DLG2: variants seen among roughly 807,000 people sequenced by gnomAD.
DLG2 encodes discs large MAGUK scaffold protein 2.
DLG2 carries 45 observed loss-of-function variants against 132.5 expected under a neutral mutation model. That is an observed-to-expected ratio of 0.34 (90% confidence interval 0.27 to 0.44). The LOEUF is 0.44. DLG2 is among the 20% of genes least tolerant of loss of function. The pLI, the probability that DLG2 is intolerant of heterozygous loss-of-function variation, is 1.00. For synonymous variants in DLG2, 424 were observed against 419.6 expected (o/e 1.01, Z -0.13); for missense variants, 1,045 against 1,196.9 (o/e 0.87, Z 1.87).
At chr11:85,302,224 G>A (rs72950175) in intron 3 of DLG2, among the ~76,000 whole-genome samples, 6,812 of 152,230 alleles carry the variant, frequency 0.045, 193 homozygotes, top group East Asian at 0.095. Context: ...ATTTTGCCCT[G>A]AGTGACTTTT....
At chr11:84,550,983 A>G (rs2099400697) in intron 6 of DLG2, among the ~76,000 whole-genome samples, 1 of 152,160 alleles carries the variant, frequency 6.6e-6, no homozygotes, top group African/African-American at 2.4e-5. Context: ...GGGTCCAGGT[A>G]GGCAACCACT....
chr11:84,938,865 T>C (rs2049054631), intron 6 of DLG2, among the ~76,000 whole-genome samples: 1 of 152,154 alleles, frequency 6.6e-6, no homozygotes. Flanking sequence ...AAAATATAGA[T>C]AAATTATAAA....
intron 17 of DLG2, among the ~76,000 whole-genome samples, chr11:83,802,271 T>C (rs1054553419): frequency 2.0e-5 from 3 of 152,156 alleles, no homozygotes; most frequent in African/African-American, 4.8e-5. Context: ...CTCTAAATTG[T>C]TCAGGCAGTG....
At chr11:84,804,266 G>A (rs535531016) in intron 6 of DLG2, among the ~76,000 whole-genome samples, 45 of 152,308 alleles carry the variant, frequency 3.0e-4, no homozygotes, top group African/African-American at 9.1e-4. Flanking sequence ...AGAATTTGTA[G>A]CTTGGAATGA....
At chr11:85,438,768 G>A (rs910498499) in intron 3 of DLG2, among the ~76,000 whole-genome samples, 7 of 151,900 alleles carry the variant, frequency 4.6e-5, no homozygotes, top group Non-Finnish European at 7.4e-5. Context: ...TTCTACTATC[G>A]GAGTCAAGAT....
At chr11:84,320,291 A>C (rs1411276307) in intron 7 of DLG2, among the ~76,000 whole-genome samples, 3 of 152,200 alleles carry the variant, frequency 2.0e-5, no homozygotes, top group Non-Finnish European at 4.4e-5. Flanking sequence ...TTAATAAAAA[A>C]TAGCAAAAAT....
intron 18 of DLG2, among the ~76,000 whole-genome samples, chr11:83,780,648 T>C (rs946877040): frequency 1.3e-5 from 2 of 152,202 alleles, no homozygotes; most frequent in African/African-American, 4.8e-5. Context: ...AATAGGTTCA[T>C]TGTCTCACTA....
Position 84,373,265 on chromosome 11 carries a change from C to CAAAACAAAAAA in DLG2, c.520-121985_520-121975dup, listed in dbSNP as rs2098715554. On this transcript the variant is annotated intron_variant, in intron 7 of 27. Coordinates refer to ENST00000376104, the MANE Select transcript of DLG2 (RefSeq NM_001142699.3). ...AGAAACAGTCAAAAAAAAAAAAAAA[C>CAAAACAAAAAA]AAAACAAAAAAAAAACCCACCAGGC... 2.0e-4 allele frequency among the ~76,000 whole-genome samples: 20 copies of CAAAACAAAAAA among 98,052 alleles called. 1 individual carries two copies. In the South Asian group the frequency reaches 5.2e-3, roughly 26 times the overall value. The allele number at this position is 98,052 out of a possible 152,430, so 64.3% of individuals were successfully genotyped here. A position where few individuals can be genotyped will look rare whatever the true frequency, so the allele number is the denominator to read the frequency against.
intron 7 of DLG2, among the ~76,000 whole-genome samples, chr11:84,423,347 T>C (rs970865047): frequency 1.3e-5 from 2 of 152,174 alleles, no homozygotes; most frequent in African/African-American, 2.4e-5. Flanking sequence ...ACTAAGATAC[T>C]TAATAGTTCG....
intron 18 of DLG2, among the ~76,000 whole-genome samples, chr11:83,707,395 C>T (rs753870017): frequency 6.6e-5 from 10 of 152,214 alleles, no homozygotes; most frequent in South Asian, 2.1e-4. Context: ...GTTGGCCGGG[C>T]TCAGTGGCTT....
At chr11:84,320,147 A>C (rs1288285256) in intron 7 of DLG2, among the ~76,000 whole-genome samples, 1 of 152,216 alleles carries the variant, frequency 6.6e-6, no homozygotes, top group Non-Finnish European at 1.5e-5. Context: ...ACTGTGATTT[A>C]ACATGGGCAG....
At chr11:85,149,875 A>G (rs1364979909) in intron 5 of DLG2, among the ~76,000 whole-genome samples, 1 of 152,090 alleles carries the variant, frequency 6.6e-6, no homozygotes, top group Admixed American at 6.6e-5. Context: ...CCCTTTTAGC[A>G]GAGTGACAAT....
At chr11:84,640,142 GA>G in intron 6 of DLG2, 3 of 294,388 alleles carry the variant, frequency 1.0e-5, no homozygotes, top group Non-Finnish European at 1.9e-5. Context: ...TCCTTGGAAA[GA>G]AAAAGAGGCT....
chr11:83,973,753 T>C (rs1358983956), intron 12 of DLG2, among the ~76,000 whole-genome samples: 1 of 151,980 alleles, frequency 6.6e-6, no homozygotes, highest in African/African-American at 2.4e-5. Flanking sequence ...AAATCCAGAT[T>C]TGATTATTCA....
intron 15 of DLG2, among the ~76,000 whole-genome samples, chr11:83,915,053 G>C (rs757375096): frequency 6.6e-6 from 1 of 152,082 alleles, no homozygotes; most frequent in Non-Finnish European, 1.5e-5. Context: ...TGAGATGCAA[G>C]CACAACAGTG....
At chr11:84,365,255 C>T (rs1362792882) in intron 7 of DLG2, among the ~76,000 whole-genome samples, 1 of 152,000 alleles carries the variant, frequency 6.6e-6, no homozygotes, top group Non-Finnish European at 1.5e-5. Context: ...GTGTATGTGC[C>T]GAGGAATTTA....
intron 11 of DLG2, among the ~76,000 whole-genome samples, chr11:83,997,101 G>A (rs2449577): frequency 0.12 from 17,158 of 143,518 alleles, 1,341 homozygotes; most frequent in East Asian, 0.32. Flanking sequence ...TAACTACTAT[G>A]TACTCACAAA....
intron 6 of DLG2, among the ~76,000 whole-genome samples, chr11:84,793,209 T>C (rs11821125): frequency 0.016 from 2,483 of 152,298 alleles, 72 homozygotes; most frequent in African/African-American, 0.057. Context: ...TTTCCATGTG[T>C]TGTAATGTTT....
chr11:83,919,239 G>C (rs775248454), intron 15 of DLG2, among the ~76,000 whole-genome samples: 1 of 152,136 alleles, frequency 6.6e-6, no homozygotes, highest in Non-Finnish European at 1.5e-5. Context: ...CTCATGTCCA[G>C]TGTAGCTTAG....
Sources: allele counts gnomAD v4.1 joint callset (sites outside exome capture counted in the v4.1 genomes callset), GRCh38; gene constraint gnomAD v4.1.1; transcripts MANE v1.5; gene names NCBI Gene and HGNC (gene_info 2026-07-23, HGNC 2026-07-21).